POLR3B: variants seen among roughly 807,000 people sequenced by gnomAD.
POLR3B encodes RNA polymerase III subunit B, also known as DNA-directed RNA polymerase III subunit RPC2.
In POLR3B, 96 loss-of-function variants were observed where a neutral mutation model predicts 147.4. The observed-to-expected ratio is 0.65, with a 90% CI of 0.55 to 0.77. The LOEUF is 0.77. POLR3B is among the 30% of genes least tolerant of loss of function. The pLI is 0.00. For synonymous variants in POLR3B, 461 were observed against 485.9 expected, an observed-to-expected ratio of 0.95 and a Z score of 0.67; for missense variants, 1,036 against 1,413.5, an observed-to-expected ratio of 0.73 and a Z score of 4.28.
chr12:106,411,943 T>C (rs2037232756), intron 12 of POLR3B, among the ~76,000 whole-genome samples: 1 of 152,252 alleles, frequency 6.6e-6, no homozygotes, highest in Non-Finnish European at 1.5e-5. Context: ...CTTCTATTTC[T>C]CTACAGAGAT....
intron 19 of POLR3B, among the ~76,000 whole-genome samples, chr12:106,450,932 G>A (rs1423005005): frequency 6.6e-6 from 1 of 152,046 alleles, no homozygotes; most frequent in Non-Finnish European, 1.5e-5. Context: ...CAAAAACTGC[G>A]AAACGATGCA....
chr12:106,451,151 G>A (rs889598002), intron 19 of POLR3B, among the ~76,000 whole-genome samples: 3 of 152,102 alleles, frequency 2.0e-5, no homozygotes, highest in African/African-American at 7.2e-5. Context: ...GGTCCCTGAG[G>A]TGAGGAACAA....
chr12:106,389,655 C>G lies in POLR3B; in HGVS notation c.724-3376C>G, dbSNP rs190845041. Among the ~76,000 whole-genome samples, 13 of 151,848 alleles carry G rather than the reference C, an allele frequency of 8.6e-5. No individual in the cohort carries two copies. The East Asian group carries it at 2.5e-3, about 29-fold the overall frequency. ...CATTGTCCTTATCCTTATGGTTGAG[C>G]ATCTCAAATCCAGAAATCCAAAATC... On this transcript the variant is annotated intron_variant, in intron 9 of 27. Transcript: ENST00000228347.
chr12:106,407,713 C>T (rs982522027), intron 11 of POLR3B, among the ~76,000 whole-genome samples: 1 of 151,544 alleles, frequency 6.6e-6, no homozygotes, highest in African/African-American at 2.4e-5. Context: ...CCTGTAATCC[C>T]AGCTACTTGG....
At chr12:106,495,361 G>A (rs1430038848) in intron 23 of POLR3B, among the ~76,000 whole-genome samples, 1 of 151,176 alleles carries the variant, frequency 6.6e-6, no homozygotes, top group South Asian at 2.1e-4. Context: ...TTTTTTCCAA[G>A]AACGATTTGG....
At chr12:106,471,277 C>G (rs2038087296) in intron 23 of POLR3B, among the ~76,000 whole-genome samples, 1 of 152,146 alleles carries the variant, frequency 6.6e-6, no homozygotes, top group Non-Finnish European at 1.5e-5. Context: ...AGCCCAGGCA[C>G]AGGAGGGGAT....
Position 106,357,939 on chromosome 12 carries a change from C to G in POLR3B, c.60C>G (p.Ile20Met), listed in dbSNP as rs748593339. The stretch of plus-strand genomic sequence containing the variant: ...CTCCGGAGCAGCTGGCGGCGCCGAT[C>G]CCGACTGTAGAGGTCAGTGCCAGGC... ...NLTPEQLAAP[I>M]PTVEEKWRLL... The change falls in exon 1 of 28, where the codon ATC becomes ATG. Residue 20 changes from isoleucine (I) to methionine (M), a missense_variant. By Grantham distance (10) the Ile-to-Met change is conservative (BLOSUM62 1). Coordinates refer to ENST00000228347, the MANE Select transcript of POLR3B (RefSeq NM_018082.6). 5.6e-6 allele frequency: 9 copies of G among 1,612,930 alleles called. No homozygotes were observed. In the South Asian group the frequency reaches 9.9e-5, roughly 18 times the overall value.
At chr12:106,509,355 T>A (rs1222467734) in intron 27 of POLR3B, 65 bp from the exon 28 acceptor site, 2 of 1,568,670 alleles carry the variant, frequency 1.3e-6, no homozygotes, top group East Asian at 4.5e-5. Context: ...CCATTCTCAC[T>A]TCCTACGTGG....
intron 18 of POLR3B, among the ~76,000 whole-genome samples, chr12:106,441,846 C>T (rs2037655479): frequency 6.6e-6 from 1 of 152,044 alleles, no homozygotes; most frequent in East Asian, 1.9e-4. Context: ...TTTGGGAGGC[C>T]AAGGCAGGCA....
chr12:106,399,210 T>C (rs957632876), intron 10 of POLR3B, among the ~76,000 whole-genome samples: 1 of 151,956 alleles, frequency 6.6e-6, no homozygotes, highest in Non-Finnish European at 1.5e-5. Flanking sequence ...CCGATGCAAC[T>C]GGAAGAAAGG....
intron 25 of POLR3B, chr12:106,500,142 C>G (rs534717614): frequency 2.2e-6 from 1 of 455,904 alleles, no homozygotes; most frequent in East Asian, 7.0e-5. Flanking sequence ...CTCCCTGGAT[C>G]GTTGTGTGGA....
At chr12:106,443,051 C>A (rs927594286) in intron 18 of POLR3B, among the ~76,000 whole-genome samples, 2 of 152,198 alleles carry the variant, frequency 1.3e-5, no homozygotes, top group Non-Finnish European at 2.9e-5. Context: ...TATATAACCT[C>A]AAACTTTCTA....
intron 10 of POLR3B, 82 bp downstream of exon 10, chr12:106,393,235 A>C: frequency 1.3e-6 from 2 of 1,566,114 alleles, no homozygotes; most frequent in Non-Finnish European, 1.8e-6. Context: ...ATCGGATGTG[A>C]TGGCTTTGGG....
At chr12:106,506,639 G>A (rs113491777) in intron 27 of POLR3B, among the ~76,000 whole-genome samples, 15 of 152,290 alleles carry the variant, frequency 9.8e-5, no homozygotes, top group Admixed American at 3.3e-4. Flanking sequence ...TATGTATTCC[G>A]TGTGTATTGT....
Position 106,482,055 on chromosome 12 carries a change from A to G in POLR3B, c.2714-14000A>G, listed in dbSNP as rs181261622. Among the ~76,000 whole-genome samples the G allele has an allele frequency of 9.2e-5, 14 of 152,330 alleles. No homozygotes were observed. The East Asian group carries it at 2.7e-3, about 29-fold the overall frequency. ...ACATAAATGCTAACAATCATCAGAG[A>G]AGCATTAATCATAGTTTGTCAGCTC... On this transcript the variant is annotated intron_variant, in intron 23 of 27. Transcript: ENST00000228347.
intron 1 of POLR3B, among the ~76,000 whole-genome samples, chr12:106,361,874 G>T (rs1362265053): frequency 1.3e-5 from 2 of 152,204 alleles, no homozygotes; most frequent in African/African-American, 4.8e-5. Context: ...TGATCGGCAT[G>T]GCCAAATACT....
chr12:106,401,325 A>G (rs912152536), intron 10 of POLR3B, among the ~76,000 whole-genome samples: 1 of 152,202 alleles, frequency 6.6e-6, no homozygotes, highest in African/African-American at 2.4e-5. Context: ...AATTGAGGCA[A>G]TAATCAATAG....
intron 13 of POLR3B, among the ~76,000 whole-genome samples, chr12:106,428,395 C>T (rs2137000170): frequency 6.6e-6 from 1 of 152,284 alleles, no homozygotes; most frequent in East Asian, 1.9e-4. Context: ...AGGTGTGCCC[C>T]ACTCTAGGCA....
intron 19 of POLR3B, among the ~76,000 whole-genome samples, chr12:106,454,181 A>C (rs1197723790): frequency 6.6e-6 from 1 of 152,230 alleles, no homozygotes; most frequent in Non-Finnish European, 1.5e-5. Context: ...CGGTAGAACC[A>C]AATAAAGAAT....
Sources: allele counts gnomAD v4.1 joint callset (sites outside exome capture counted in the v4.1 genomes callset), GRCh38; gene constraint gnomAD v4.1.1; transcripts MANE v1.5; gene names NCBI Gene and HGNC (gene_info 2026-07-23, HGNC 2026-07-21).